Variants in DTNBP1 observed in about 807,000 individuals in gnomAD.
DTNBP1 encodes the protein dystrobrevin binding protein 1, also known as dysbindin.
DTNBP1 carries 35 observed loss-of-function variants against 42.8 expected under a neutral mutation model. The ratio of observed to expected loss-of-function variants is 0.82; its 90% CI spans 0.63 to 1.09. The LOEUF (loss-of-function observed/expected upper bound fraction) is 1.09. DTNBP1 is among the 50% of genes least tolerant of loss of function. DTNBP1 has a pLI of 0.00. For missense variants in DTNBP1, 457 were observed against 424.2 expected (o/e 1.08, Z -0.68); for synonymous variants, 171 against 162.2 (o/e 1.05, Z -0.41).
At chr6:15,605,389 T>C (rs138564986) in intron 6 of DTNBP1, among the ~76,000 whole-genome samples, 1,918 of 152,260 alleles carry the variant, frequency 0.013, 24 homozygotes, top group Non-Finnish European at 0.02. Flanking sequence ...TTTGGAGCTA[T>C]ACAGTCCTAG....
intron 8 of DTNBP1, among the ~76,000 whole-genome samples, chr6:15,529,351 A>G (rs1388451143): frequency 1.3e-5 from 2 of 152,204 alleles, no homozygotes; most frequent in East Asian, 3.8e-4. Flanking sequence ...CCATCAATAC[A>G]TCAATGAATA....
chr6:15,550,986 T>C (rs1193023285), intron 7 of DTNBP1, among the ~76,000 whole-genome samples: 6 of 152,220 alleles, frequency 3.9e-5, no homozygotes, highest in Non-Finnish European at 7.3e-5. Context: ...AGAGATTACA[T>C]GTTTTAATAT....
At chr6:15,636,715 C>T (rs1202236094) in intron 4 of DTNBP1, among the ~76,000 whole-genome samples, 1 of 152,200 alleles carries the variant, frequency 6.6e-6, no homozygotes, top group South Asian at 2.1e-4. Flanking sequence ...CAGATCCCCA[C>T]AGACAAAGTC....
chr6:15,539,315 CAT>C (rs1395299792), intron 7 of DTNBP1, among the ~76,000 whole-genome samples: 1 of 152,216 alleles, frequency 6.6e-6, no homozygotes, highest in African/African-American at 2.4e-5. Context: ...CCTCATCCCA[CAT>C]GTGTTTACGT....
intron 6 of DTNBP1, among the ~76,000 whole-genome samples, chr6:15,607,548 C>G (rs780294947): frequency 1.3e-5 from 2 of 152,036 alleles, no homozygotes; most frequent in African/African-American, 2.4e-5. Context: ...ATGATCTGCC[C>G]GCCTCAGCCT....
At chr6:15,620,483 C>A (rs1055701254) in intron 5 of DTNBP1, among the ~76,000 whole-genome samples, 3 of 152,178 alleles carry the variant, frequency 2.0e-5, no homozygotes, top group Admixed American at 2.0e-4. Flanking sequence ...CCACCCCACC[C>A]AGCCTACATT....
intron 7 of DTNBP1, among the ~76,000 whole-genome samples, chr6:15,580,132 A>G (rs566340275): frequency 2.2e-4 from 33 of 152,352 alleles, no homozygotes; most frequent in African/African-American, 7.7e-4. Context: ...ATTCAAATCT[A>G]CAAGTACACT....
intron 1 of DTNBP1, among the ~76,000 whole-genome samples, chr6:15,660,210 GTC>G: frequency 6.6e-6 from 1 of 152,178 alleles, no homozygotes; most frequent in Non-Finnish European, 1.5e-5. Context: ...TGCAGCTCAC[GTC>G]TCTTTCATCT....
chr6:15,564,397 T>A (rs1048460618), intron 7 of DTNBP1, among the ~76,000 whole-genome samples: 2 of 151,716 alleles, frequency 1.3e-5, no homozygotes, highest in Non-Finnish European at 2.9e-5. Flanking sequence ...ACAAAAAAAA[T>A]TTTTCCTTTC....
Position 15,662,873 on chromosome 6 carries a change from C to T in DTNBP1, c.-4G>A, listed in dbSNP as rs771800092. 12 of 1,603,558 alleles carry T rather than the reference C, an allele frequency of 7.5e-6. No homozygotes were observed. The highest frequency in any genetic ancestry group is 1.0e-5 in the Non-Finnish European group (12 of 1,178,900). On this transcript the variant is annotated 5_prime_UTR_variant, in exon 1 of 10. Coordinates refer to ENST00000344537, the MANE Select transcript of DTNBP1 (RefSeq NM_032122.5). ...GCTCGCGAAGGGTCTCCAGCATTGC[C>T]GCCGCCGCCGGTCTCCTCTCCTCAG...
chr6:15,553,666 A>G (rs1470000919), intron 7 of DTNBP1, among the ~76,000 whole-genome samples: 1 of 134,788 alleles, frequency 7.4e-6, no homozygotes, highest in Non-Finnish European at 1.5e-5. Flanking sequence ...TAGGTTCCTT[A>G]GAAGCAGACC....
chr6:15,633,454 C>T (rs1759808954), intron 4 of DTNBP1, among the ~76,000 whole-genome samples: 1 of 152,134 alleles, frequency 6.6e-6, no homozygotes, highest in Admixed American at 6.5e-5. Context: ...TTCCAACCCT[C>T]ATGGATGGCT....
intron 7 of DTNBP1, among the ~76,000 whole-genome samples, chr6:15,570,993 T>A (rs1279676416): frequency 6.6e-6 from 1 of 152,202 alleles, no homozygotes; most frequent in Non-Finnish European, 1.5e-5. Context: ...CTTAATGGCA[T>A]TAAGAAATTA....
At position 15,523,313 on chromosome 6, in the gene DTNBP1, G is replaced by A; in HGVS notation, c.812-94C>T. On this transcript the variant is annotated intron_variant, in intron 9 of 9. Coordinates refer to ENST00000344537, the MANE Select transcript of DTNBP1 (RefSeq NM_032122.5). The stretch of plus-strand genomic sequence containing the variant: ...GCTGTGGAATGTGCCCGTCATGAAA[G>A]GGGGGTGTGGTTTTTGTTCCAGGCA... The A allele has an allele frequency of 3.2e-6, 5 of 1,538,836 alleles. No homozygotes were observed. In the Admixed American group the frequency reaches 8.5e-5, roughly 26 times the overall value.
At chr6:15,590,186 A>G (rs1776237796) in intron 7 of DTNBP1, among the ~76,000 whole-genome samples, 1 of 152,146 alleles carries the variant, frequency 6.6e-6, no homozygotes, top group African/African-American at 2.4e-5. Flanking sequence ...CGCTTGCCTC[A>G]GCCTTCCAAA....
intron 5 of DTNBP1, among the ~76,000 whole-genome samples, chr6:15,622,228 C>T (rs894404645): frequency 6.6e-6 from 1 of 152,038 alleles, no homozygotes; most frequent in African/African-American, 2.4e-5. Flanking sequence ...ACTTAGAAAA[C>T]ATTAAACAAC....
At chr6:15,570,677 G>A (rs976437383) in intron 7 of DTNBP1, among the ~76,000 whole-genome samples, 2 of 152,130 alleles carry the variant, frequency 1.3e-5, no homozygotes, top group African/African-American at 2.4e-5. Context: ...TTTCTTTTCC[G>A]ATAATTTTTG....
chr6:15,538,972 G>A (rs754316935), intron 7 of DTNBP1, among the ~76,000 whole-genome samples: 3 of 152,138 alleles, frequency 2.0e-5, no homozygotes, highest in South Asian at 2.1e-4. Context: ...AATGAGGTCC[G>A]TTATCTGCCT....
intron 1 of DTNBP1, among the ~76,000 whole-genome samples, chr6:15,652,697 A>G (rs555717404): frequency 6.6e-6 from 1 of 152,204 alleles, no homozygotes; most frequent in African/African-American, 2.4e-5. Context: ...GTGCGATTGT[A>G]GCTTACTGTA....
Sources: allele counts gnomAD v4.1 joint callset (sites outside exome capture counted in the v4.1 genomes callset), GRCh38; gene constraint gnomAD v4.1.1; transcripts MANE v1.5; gene names NCBI Gene and HGNC (gene_info 2026-07-23, HGNC 2026-07-21).